The following NMS variants were observed in gnomAD, a reference collection of about 807,000 sequenced individuals.
The protein encoded by NMS is neuromedin S, also known as neuromedin-S.
In NMS, 30 loss-of-function variants were observed where a neutral mutation model predicts 32.2. The observed-to-expected ratio is 0.93, with a 90% CI of 0.70 to 1.26. NMS has a LOEUF of 1.26. NMS is among the 50% of genes most tolerant of loss of function. The pLI, the probability that NMS is intolerant of heterozygous loss-of-function variation, is 0.00. For missense variants in NMS, 190 were observed against 186.3 expected, an observed-to-expected ratio of 1.02 and a Z score of -0.12; for synonymous variants, 76 against 58.5, an observed-to-expected ratio of 1.30 and a Z score of -1.37.
intron 3 of NMS, among the ~76,000 whole-genome samples, chr2:100,474,437 C>G (rs1033317068): frequency 3.3e-5 from 5 of 152,206 alleles, no homozygotes; most frequent in African/African-American, 4.8e-5. Flanking sequence ...CTTGCACAAT[C>G]TTTTCCTTAG....
intron 1 of NMS, 132 bp from the exon 2 acceptor site, chr2:100,472,663 A>G: frequency 1.7e-6 from 1 of 587,630 alleles, no homozygotes. Flanking sequence ...TTACTTTCCC[A>G]CTGACCTCTT....
chr2:100,473,964 G>A (rs1249786550), intron 3 of NMS, among the ~76,000 whole-genome samples: 3 of 152,066 alleles, frequency 2.0e-5, no homozygotes, highest in African/African-American at 7.2e-5. Context: ...GATCACTTGA[G>A]GCCAGGAGCT....
At chr2:100,479,227 T>A in intron 5 of NMS, 126 bp from the exon 6 acceptor site, 1 of 640,842 alleles carries the variant, frequency 1.6e-6, no homozygotes, top group Non-Finnish European at 2.5e-6. Flanking sequence ...AAATGGGTTT[T>A]ACTCTGAAAA....
chr2:100,482,136 C>G (rs956478902), intron 8 of NMS, 141 bp from the exon 9 acceptor site: 1 of 802,636 alleles, frequency 1.2e-6, no homozygotes, highest in African/African-American at 1.7e-5. Context: ...GAGGGCTTCC[C>G]AGGTGAGTCC....
intron 5 of NMS, among the ~76,000 whole-genome samples, chr2:100,477,676 A>G (rs1677138008): frequency 6.6e-6 from 1 of 152,208 alleles, no homozygotes. Context: ...ACCTCTTATT[A>G]TGCACTTAAA....
chr2:100,475,999 CAA>C (rs746460668), intron 3 of NMS, among the ~76,000 whole-genome samples: 5 of 111,690 alleles, frequency 4.5e-5, no homozygotes, highest in East Asian at 2.5e-4. Flanking sequence ...ACCCTATCTC[CAA>C]AAAAAAAAAA....
chr2:100,472,724 T>C (rs1244412772), intron 1 of NMS, 71 bp from the exon 2 acceptor site: 7 of 967,064 alleles, frequency 7.2e-6, no homozygotes, highest in Non-Finnish European at 1.1e-5. Context: ...CTGTTTTTCA[T>C]GATAAAGACT....
chr2:100,481,293 C>A, intron 8 of NMS, 126 bp downstream of exon 8: 1 of 889,532 alleles, frequency 1.1e-6, no homozygotes, highest in Non-Finnish European at 1.9e-6. Context: ...TGGAGACTCT[C>A]TCATCCTTCA....
At position 100,483,276 on chromosome 2, in the gene NMS, A is replaced by T; in HGVS notation, c.*12A>T. The T allele has an allele frequency of 6.2e-7, 1 of 1,607,052 alleles. No homozygotes were observed. The highest frequency in any genetic ancestry group is 8.5e-7 in the Non-Finnish European group (1 of 1,173,998). On this transcript the variant is annotated 3_prime_UTR_variant, in exon 10 of 10. Transcript: ENST00000376865. Reference sequence around the variant, plus strand: ...GGATTCAGTGGTGAAAGAAAGCTGGATCTGATGAGGCCTTCCAGGGATTAT... The same window carrying T: ...GGATTCAGTGGTGAAAGAAAGCTGGTTCTGATGAGGCCTTCCAGGGATTAT...
At chr2:100,479,542 C>T in intron 6 of NMS, 115 bp downstream of exon 6, 1 of 923,246 alleles carries the variant, frequency 1.1e-6, no homozygotes. Context: ...ATCTTAGTCT[C>T]CACCTTGGCA....
At chr2:100,480,645 C>A in intron 7 of NMS, 114 bp downstream of exon 7, 1 of 1,034,700 alleles carries the variant, frequency 9.7e-7, no homozygotes, top group Non-Finnish European at 1.4e-6. Flanking sequence ...CTGGGCAGAG[C>A]TGGTCTCCAA....
intron 3 of NMS, among the ~76,000 whole-genome samples, chr2:100,475,107 T>C (rs762107636): frequency 3.5e-4 from 54 of 152,196 alleles, no homozygotes; most frequent in Non-Finnish European, 4.7e-4. Context: ...TTTCCTTCCA[T>C]CTTCTCCATT....
intron 4 of NMS, 41 bp downstream of exon 4, chr2:100,477,308 A>G (rs1677130109): frequency 5.0e-6 from 8 of 1,611,174 alleles, no homozygotes; most frequent in Non-Finnish European, 6.8e-6. Flanking sequence ...TGCAGCTTCC[A>G]TGTTTAGAGC....
intron 3 of NMS, among the ~76,000 whole-genome samples, chr2:100,476,271 TA>T (rs1677108395): frequency 6.6e-6 from 1 of 152,136 alleles, no homozygotes. Context: ...TTCTGCTAGT[TA>T]AAAATGGTGA....
chr2:100,477,183 G>A (rs1430222449), intron 3 of NMS, 61 bp from the exon 4 acceptor site: 9 of 1,433,604 alleles, frequency 6.3e-6, no homozygotes, highest in Non-Finnish European at 7.9e-6. Flanking sequence ...TACAGAAAAC[G>A]TTATCCGTTA....
At chr2:100,474,204 A>G (rs1261720724) in intron 3 of NMS, among the ~76,000 whole-genome samples, 1 of 152,202 alleles carries the variant, frequency 6.6e-6, no homozygotes, top group Admixed American at 6.5e-5. Context: ...AACTGTAGTA[A>G]CCACACAAAT....
chr2:100,472,350 T>C (rs1432352773), intron 1 of NMS, among the ~76,000 whole-genome samples: 1 of 152,206 alleles, frequency 6.6e-6, no homozygotes, highest in Non-Finnish European at 1.5e-5. Context: ...CTAGAGAGTC[T>C]GTAGCAGCAG....
chr2:100,482,337 C>T (rs372523822), intron 9 of NMS, 26 bp downstream of exon 9: 259 of 1,610,150 alleles, frequency 1.6e-4, no homozygotes, highest in Non-Finnish European at 2.0e-4. Flanking sequence ...TCAGCTTCAT[C>T]ACCCTTTTTC....
chr2:100,477,163 G>T, intron 3 of NMS, 81 bp from the exon 4 acceptor site: 2 of 1,141,636 alleles, frequency 1.8e-6, no homozygotes, highest in Non-Finnish European at 2.7e-6. Flanking sequence ...AAGGTCCATG[G>T]TGTACCTTAT....
Sources: allele counts gnomAD v4.1 joint callset (sites outside exome capture counted in the v4.1 genomes callset), GRCh38; gene constraint gnomAD v4.1.1; transcripts MANE v1.5; gene names NCBI Gene and HGNC (gene_info 2026-07-23, HGNC 2026-07-21).